FBXO21: variants seen among roughly 807,000 people sequenced by gnomAD.
FBXO21 encodes F-box only protein 21.
In FBXO21, 32 loss-of-function variants were observed where a neutral mutation model predicts 76.6. That is an observed-to-expected ratio of 0.42 (90% CI 0.32 to 0.56). The LOEUF is 0.56. Among genes scored for constraint, FBXO21 ranks in the 20% least tolerant of loss-of-function variants. FBXO21 has a pLI of 0.16. For missense variants in FBXO21, 586 were observed against 797.3 expected (o/e 0.73, Z 3.19); for synonymous variants, 328 against 311.5 (o/e 1.05, Z -0.56).
intron 11 of FBXO21, 75 bp downstream of exon 11, chr12:117,155,716 A>T: frequency 6.8e-7 from 1 of 1,477,294 alleles, no homozygotes; most frequent in Non-Finnish European, 9.2e-7. Flanking sequence ...CGCCCACAGT[A>T]CCTACCCGAG....
chr12:117,156,475 T>TG (rs762489818), intron 10 of FBXO21, among the ~76,000 whole-genome samples: 3 of 152,160 alleles, frequency 2.0e-5, no homozygotes, highest in Non-Finnish European at 4.4e-5. Context: ...GTTAAGGAAC[T>TG]GGGGTTTTCT....
At chr12:117,158,551 C>T (rs550753374) in intron 9 of FBXO21, among the ~76,000 whole-genome samples, 7 of 152,214 alleles carry the variant, frequency 4.6e-5, no homozygotes, top group South Asian at 2.1e-4. Flanking sequence ...TTAATCGAGA[C>T]GAAGAGGATG....
chr12:117,145,458 T>C lies in FBXO21; in HGVS notation c.*629A>G, dbSNP rs200178847. On this transcript the variant is annotated 3_prime_UTR_variant, in exon 12 of 12. Coordinates refer to ENST00000622495, the MANE Select transcript of FBXO21 (RefSeq NM_015002.3). ...ACTGTGTTATATTCCCATTTAAATT[T>C]AAAAAAAAAAGATAAAACACTTGAA... The C allele has an allele frequency of 1.3e-5, 2 of 149,490 alleles. No homozygotes were observed. The highest frequency in any genetic ancestry group is 3.2e-3 in the Middle Eastern group (1 of 310). 9.3% of individuals were successfully genotyped at this position (149,490 alleles called of 1,614,324 possible). A position where few individuals can be genotyped will look rare whatever the true frequency, so the allele number is the denominator to read the frequency against.
chr12:117,146,235 G>A lies in FBXO21; in HGVS notation c.1718C>T (p.Pro573Leu), dbSNP rs1015268283. ...YNVEPQEISH[P>L]DVGRYFSEFT... is the part of the protein sequence containing the mutation. ...CTCTGAGAAATAGCGTCCCACGTCA[G>A]GGTGTGAGATTTCTTGAGGCTCCAC... The change falls in exon 12 of 12, where the codon CCT becomes CTT. Residue 573 changes from proline to leucine, a missense_variant. Transcript: ENST00000622495. 15 of 1,612,186 alleles carry A rather than the reference G, an allele frequency of 9.3e-6. No individual in the cohort carries two copies. Among genetic ancestry groups the A allele is most frequent in the Non-Finnish European group, 1.3e-5 (15 of 1,179,524 alleles).
intron 7 of FBXO21, among the ~76,000 whole-genome samples, chr12:117,167,785 G>T (rs1956071935): frequency 6.6e-6 from 1 of 151,802 alleles, no homozygotes; most frequent in Admixed American, 6.6e-5. Context: ...CACACCAGAA[G>T]GATTCGGCCA....
Position 117,157,997 on chromosome 12 carries a change from C to G in FBXO21, c.1393G>C (p.Val465Leu). Residue 465 changes from valine to leucine, a missense_variant, in exon 10 of 12, where the codon GTG becomes CTG. By Grantham distance (32) the Val-to-Leu change is conservative (BLOSUM62 1). Around this residue, in one of 6 missense-constraint regions of FBXO21, gnomAD observed 164 missense variants for 236.7 expected, o/e 0.69. Coordinates refer to ENST00000622495, the MANE Select transcript of FBXO21 (RefSeq NM_015002.3). ...TCAATGTGCTCTAGAGTGTGCTGCACCAGGTAGCCCACCGCCCCGTGCTGC... is the reference window on the plus strand; with the variant it reads ...TCAATGTGCTCTAGAGTGTGCTGCAGCAGGTAGCCCACCGCCCCGTGCTGC... ...PGQHGAVGYL[V>L]QHTLEHIERK... The G allele has an allele frequency of 6.2e-7, 1 of 1,614,210 alleles. No homozygotes were observed. Among genetic ancestry groups the G allele is most frequent in the Non-Finnish European group, 8.5e-7 (1 of 1,180,028 alleles).
At chr12:117,151,212 T>G (rs1344549230) in intron 11 of FBXO21, among the ~76,000 whole-genome samples, 1 of 151,986 alleles carries the variant, frequency 6.6e-6, no homozygotes, top group Non-Finnish European at 1.5e-5. Flanking sequence ...ACTCGGAGCT[T>G]CCGAGAAGTC....
chr12:117,180,361 T>A (rs901141978), intron 3 of FBXO21, among the ~76,000 whole-genome samples: 3 of 152,232 alleles, frequency 2.0e-5, no homozygotes, highest in African/African-American at 7.2e-5. Context: ...TACATGTACA[T>A]ATGCACATGC....
chr12:117,156,012 G>A, intron 10 of FBXO21, 64 bp from the exon 11 acceptor site: 3 of 1,528,182 alleles, frequency 2.0e-6, no homozygotes, highest in Non-Finnish European at 2.7e-6. Flanking sequence ...CCAGACAACC[G>A]CGTGGCTTCT....
intron 3 of FBXO21, among the ~76,000 whole-genome samples, chr12:117,180,549 T>G (rs1010373550): frequency 2.0e-5 from 3 of 152,220 alleles, no homozygotes; most frequent in Non-Finnish European, 2.9e-5. Flanking sequence ...TATCACATCG[T>G]TATTCATTTA....
Position 117,189,221 on chromosome 12 carries a change from C to A in FBXO21, c.375+6G>T. On this transcript the variant is annotated splice_donor_region_variant and intron_variant, in intron 2 of 11. Transcript: ENST00000622495. ...AAAGCTTAGAGCCACATCAACAGAT[C>A]CTTACGTGCTCTGAAAAGAACCTCT... 6.2e-7 allele frequency: 1 copy of A among 1,614,182 alleles called. No individual in the cohort carries two copies.
Position 117,165,393 on chromosome 12 carries a change from T to G in FBXO21, c.1326+92A>C. On this transcript the variant is annotated intron_variant, in intron 9 of 11. Coordinates refer to ENST00000622495, the MANE Select transcript of FBXO21 (RefSeq NM_015002.3). ...TGAATAAATTTGTGTTTATTCCCCA[T>G]GTTAACACAAAGATAAGCTTGTCAC... 4 of 1,280,866 alleles carry G rather than the reference T, an allele frequency of 3.1e-6. No homozygotes were observed. In the South Asian group the frequency reaches 6.3e-5, roughly 20 times the overall value. The allele number at this position is 1,280,866 out of a possible 1,614,324, so 79.3% of individuals were successfully genotyped here.
At chr12:117,188,979 C>T in intron 2 of FBXO21, 2 of 517,796 alleles carry the variant, frequency 3.9e-6, no homozygotes, top group Non-Finnish European at 7.0e-6. Flanking sequence ...CTGCGTGGGT[C>T]CCTCCCTGCT....
intron 9 of FBXO21, among the ~76,000 whole-genome samples, chr12:117,163,904 G>A (rs905315218): frequency 1.3e-5 from 2 of 151,184 alleles, no homozygotes; most frequent in African/African-American, 4.9e-5. Context: ...AGATCGTGCC[G>A]CTGCACTCCA....
chr12:117,162,894 T>C (rs537008362), intron 9 of FBXO21, among the ~76,000 whole-genome samples: 1 of 152,298 alleles, frequency 6.6e-6, no homozygotes, highest in Non-Finnish European at 1.5e-5. Flanking sequence ...GTCACGTACT[T>C]TTCTGCCCTC....
intron 5 of FBXO21, 21 bp from the exon 6 acceptor site, chr12:117,174,362 C>G (rs749710751): frequency 6.2e-7 from 1 of 1,613,354 alleles, no homozygotes. Context: ...GAGATCTACT[C>G]TGGGACCCAA....
rs143730161 is a variant in FBXO21 at position 117,172,479 on chromosome 12, G to A, written c.1005C>T (p.Gly335=). The change falls in exon 7 of 12, where the codon GGC becomes GGT. Residue 335 remains glycine (G), a synonymous_variant. Transcript: ENST00000622495. ...GTGTCACGGATGCTCACCCTTCTGC[G>A]CCTTGGCACCACCTTAATAAGAAGT... is the stretch of plus-strand genomic sequence containing the variant. ...PSHFLLRWCQ[G]AEGATLDIFD... is the part of the protein sequence containing the mutation. The A allele has an allele frequency of 2.9e-5, 46 of 1,613,216 alleles. No individual in the cohort carries two copies. The African/African-American group carries it at 2.9e-4, about 10-fold the overall frequency.
rs753515427 is a variant in FBXO21 at position 117,190,414 on chromosome 12, C to A, written c.43G>T (p.Ala15Ser). ...AVDSAMEVVPALAEEAAPEVA... is the reference protein window; with the variant it reads ...AVDSAMEVVPSLAEEAAPEVA... Reference sequence around the variant, plus strand: ...TCCGGCGCGGCCTCCTCCGCCAGCGCCGGCACCACCTCCATCGCGCTGTCG... The same window carrying A: ...TCCGGCGCGGCCTCCTCCGCCAGCGACGGCACCACCTCCATCGCGCTGTCG... Residue 15 changes from alanine to serine, a missense_variant, in exon 1 of 12, where the codon GCG becomes TCG. Coordinates refer to ENST00000622495, the MANE Select transcript of FBXO21 (RefSeq NM_015002.3). 2.7e-6 allele frequency: 4 copies of A among 1,478,392 alleles called. No homozygotes were observed. The highest frequency in any genetic ancestry group is 3.6e-6 in the Non-Finnish European group (4 of 1,115,708). 91.6% of individuals were successfully genotyped at this position (1,478,392 alleles called of 1,614,324 possible).
At chr12:117,169,403 C>A (rs1448875514) in intron 7 of FBXO21, among the ~76,000 whole-genome samples, 1 of 151,994 alleles carries the variant, frequency 6.6e-6, no homozygotes, top group Non-Finnish European at 1.5e-5. Flanking sequence ...GCACAACAAA[C>A]CCCCATAACA....
Sources: allele counts gnomAD v4.1 joint callset (sites outside exome capture counted in the v4.1 genomes callset), GRCh38; gene constraint gnomAD v4.1.1; regional missense constraint gnomAD v4.1.1; transcripts MANE v1.5; gene names NCBI Gene and HGNC (gene_info 2026-07-23, HGNC 2026-07-21).